ADGRL3: variants seen among roughly 807,000 people sequenced by gnomAD.
The protein encoded by ADGRL3 is adhesion G protein-coupled receptor L3.
Under a neutral mutation model 153.5 loss-of-function variants are expected in ADGRL3, and 62 were observed. The ratio of observed to expected loss-of-function variants is 0.40; its 90% confidence interval spans 0.33 to 0.50. The LOEUF is 0.50. ADGRL3 is among the 20% of genes least tolerant of loss of function. The probability of loss-of-function intolerance (pLI) is 0.47; values close to 1 mark genes in which losing one functional copy is unlikely to be tolerated. For missense variants in ADGRL3, 1,641 were observed against 1,859.4 expected, an observed-to-expected ratio of 0.88 and a Z score of 2.16; for synonymous variants, 710 against 672.5, an observed-to-expected ratio of 1.06 and a Z score of -0.86.
intron 1 of ADGRL3, among the ~76,000 whole-genome samples, chr4:61,218,101 A>T (rs567868707): frequency 6.6e-6 from 1 of 152,314 alleles, no homozygotes; most frequent in East Asian, 1.9e-4. Flanking sequence ...TATTTGGAAC[A>T]AATTATTTAA....
At chr4:61,792,118 A>G (rs867804947) in intron 8 of ADGRL3, among the ~76,000 whole-genome samples, 2 of 152,214 alleles carry the variant, frequency 1.3e-5, no homozygotes, top group Non-Finnish European at 2.9e-5. Flanking sequence ...TTTCTTTTCT[A>G]TCACATTGTC....
At chr4:61,373,227 T>C (rs2096561741) in intron 1 of ADGRL3, among the ~76,000 whole-genome samples, 1 of 152,226 alleles carries the variant, frequency 6.6e-6, no homozygotes, top group Non-Finnish European at 1.5e-5. Flanking sequence ...GAGCTGTTCC[T>C]ATTCGGCCAT....
chr4:61,882,486 G>A (rs955506683), intron 9 of ADGRL3, among the ~76,000 whole-genome samples: 1 of 152,116 alleles, frequency 6.6e-6, no homozygotes, highest in Non-Finnish European at 1.5e-5. Context: ...CAACTCAAGT[G>A]ATCCTATTAA....
chr4:61,404,648 A>G (rs969453573), intron 2 of ADGRL3, among the ~76,000 whole-genome samples: 1 of 152,098 alleles, frequency 6.6e-6, no homozygotes, highest in Non-Finnish European at 1.5e-5. Flanking sequence ...TTAAAAAATT[A>G]CCACCCTGAA....
intron 1 of ADGRL3, among the ~76,000 whole-genome samples, chr4:61,251,457 G>A (rs1239202167): frequency 6.6e-6 from 1 of 152,172 alleles, no homozygotes; most frequent in Non-Finnish European, 1.5e-5. Context: ...ATGTCCCATG[G>A]CATCACTTTT....
chr4:61,628,594 A>T (rs1389347400), intron 5 of ADGRL3, among the ~76,000 whole-genome samples: 2 of 152,216 alleles, frequency 1.3e-5, no homozygotes, highest in Non-Finnish European at 2.9e-5. Context: ...ACAGTTTGAC[A>T]TATTAACCTC....
chr4:61,452,376 C>T (rs1260611109), intron 2 of ADGRL3, among the ~76,000 whole-genome samples: 2 of 152,130 alleles, frequency 1.3e-5, no homozygotes, highest in African/African-American at 4.8e-5. Context: ...TTGGGTGTAA[C>T]CCTCCTGCAG....
chr4:61,354,625 C>A (rs2096126493), intron 1 of ADGRL3, among the ~76,000 whole-genome samples: 1 of 150,584 alleles, frequency 6.6e-6, no homozygotes, highest in Non-Finnish European at 1.5e-5. Flanking sequence ...AAATAAAATA[C>A]CAACTCAATA....
At chr4:61,491,918 T>C (rs1335640422) in intron 2 of ADGRL3, among the ~76,000 whole-genome samples, 1 of 152,174 alleles carries the variant, frequency 6.6e-6, no homozygotes, top group Non-Finnish European at 1.5e-5. Flanking sequence ...GTCCAAATAC[T>C]AACCCTGGAA....
intron 1 of ADGRL3, among the ~76,000 whole-genome samples, chr4:61,255,990 C>G (rs751324065): frequency 6.6e-5 from 10 of 152,282 alleles, no homozygotes; most frequent in Middle Eastern, 3.4e-3. Flanking sequence ...CCTCCCCAAT[C>G]TTTTAAGTTC....
At chr4:62,064,312 T>A (rs1180942416) in intron 25 of ADGRL3, among the ~76,000 whole-genome samples, 1 of 151,558 alleles carries the variant, frequency 6.6e-6, no homozygotes, top group African/African-American at 2.4e-5. Context: ...AGCTTGAAAA[T>A]GATCCAAAAA....
intron 8 of ADGRL3, among the ~76,000 whole-genome samples, chr4:61,799,833 G>A (rs1056337130): frequency 6.6e-6 from 1 of 151,942 alleles, no homozygotes; most frequent in African/African-American, 2.4e-5. Flanking sequence ...CAACATTTGG[G>A]TGCTTATTAT....
At chr4:61,204,950 C>G (rs1353352826) in intron 1 of ADGRL3, among the ~76,000 whole-genome samples, 1 of 152,068 alleles carries the variant, frequency 6.6e-6, no homozygotes, top group Non-Finnish European at 1.5e-5. Context: ...TCATGATCTT[C>G]TTAACATTTT....
intron 2 of ADGRL3, among the ~76,000 whole-genome samples, chr4:61,455,591 TA>T (rs1362218481): frequency 3.9e-5 from 6 of 152,124 alleles, no homozygotes; most frequent in Admixed American, 3.9e-4. Context: ...TTCATGAGTA[TA>T]ATATGTAGTA....
At chr4:61,257,222 C>T (rs1310550626) in intron 1 of ADGRL3, among the ~76,000 whole-genome samples, 6 of 152,130 alleles carry the variant, frequency 3.9e-5, no homozygotes, top group Non-Finnish European at 8.8e-5. Flanking sequence ...CTATCACTGA[C>T]ACATTTGCCC....
intron 1 of ADGRL3, among the ~76,000 whole-genome samples, chr4:61,342,363 C>T (rs1165590149): frequency 6.6e-6 from 1 of 152,148 alleles, no homozygotes; most frequent in Non-Finnish European, 1.5e-5. Flanking sequence ...TAATCATAAA[C>T]TACTAAATTA....
At chr4:61,812,240 C>A (rs1441935121) in intron 8 of ADGRL3, among the ~76,000 whole-genome samples, 4 of 152,002 alleles carry the variant, frequency 2.6e-5, no homozygotes, top group African/African-American at 9.7e-5. Context: ...GAAACATGGC[C>A]AGTGAATGTG....
intron 5 of ADGRL3, among the ~76,000 whole-genome samples, chr4:61,672,794 C>A (rs1036084692): frequency 6.6e-6 from 1 of 151,880 alleles, no homozygotes; most frequent in African/African-American, 2.4e-5. Flanking sequence ...AATAGAACTA[C>A]CATATGTTCC....
At chr4:61,593,745 T>G (rs1447651614) in intron 5 of ADGRL3, among the ~76,000 whole-genome samples, 1 of 152,144 alleles carries the variant, frequency 6.6e-6, no homozygotes, top group African/African-American at 2.4e-5. Flanking sequence ...TTCTTTATCC[T>G]TGACCTTTGG....
Sources: gnomAD v4.1 joint callset for allele counts (sites outside exome capture counted in the v4.1 genomes callset) on GRCh38, gnomAD v4.1.1 for gene constraint, MANE v1.5 for transcripts, NCBI Gene and HGNC (gene_info 2026-07-23, HGNC 2026-07-21) for gene names.